Variants in CSRNP3 observed in about 807,000 individuals in gnomAD.
CSRNP3 encodes cysteine and serine rich nuclear protein 3, also known as cysteine/serine-rich nuclear protein 3.
Under a neutral mutation model 48.0 loss-of-function variants are expected in CSRNP3, and 12 were observed. The observed-to-expected ratio is 0.25, with a 90% CI of 0.16 to 0.41. The LOEUF is 0.41. Among genes scored for constraint, CSRNP3 ranks in the 10% least tolerant of loss-of-function variants. The pLI, the probability that CSRNP3 is intolerant of heterozygous loss-of-function variation, is 1.00. For missense variants in CSRNP3, 580 were observed against 724.4 expected (o/e 0.80, Z 2.29); for synonymous variants, 263 against 269.7 (o/e 0.98, Z 0.24).
chr2:165,589,412 G>A (rs141413309), intron 3 of CSRNP3, among the ~76,000 whole-genome samples: 137 of 152,188 alleles, frequency 9.0e-4, no homozygotes, highest in African/African-American at 3.1e-3. Context: ...TTTTTTAAAG[G>A]CAATGAAATT....
intron 2 of CSRNP3, among the ~76,000 whole-genome samples, chr2:165,515,801 C>CTTTTTT (rs532831528): frequency 1.9e-5 from 2 of 106,056 alleles, no homozygotes; most frequent in Non-Finnish European, 1.8e-5. Context: ...CTTTTCCTTT[C>CTTTTTT]TTTTTTTTTT....
chr2:165,498,501 C>G (rs1233178800), intron 2 of CSRNP3, among the ~76,000 whole-genome samples: 1 of 152,128 alleles, frequency 6.6e-6, no homozygotes, highest in Non-Finnish European at 1.5e-5. Flanking sequence ...GTCGCAGCTT[C>G]TGACTAAATG....
chr2:165,512,290 A>G (rs1162381911), intron 2 of CSRNP3, among the ~76,000 whole-genome samples: 1 of 152,122 alleles, frequency 6.6e-6, no homozygotes, highest in East Asian at 1.9e-4. Flanking sequence ...CCAATTTACA[A>G]TTTTCTGGAA....
At chr2:165,567,738 C>T (rs1380516908) in intron 3 of CSRNP3, among the ~76,000 whole-genome samples, 1 of 151,850 alleles carries the variant, frequency 6.6e-6, no homozygotes, top group Non-Finnish European at 1.5e-5. Context: ...TTGTCTTTTC[C>T]ACACTTTTTT....
At chr2:165,484,654 A>G (rs940358670) in intron 1 of CSRNP3, among the ~76,000 whole-genome samples, 1 of 152,198 alleles carries the variant, frequency 6.6e-6, no homozygotes, top group Admixed American at 6.5e-5. Context: ...GACAAACTCA[A>G]TAAAGAATGT....
At chr2:165,529,912 G>A (rs1684789334) in intron 3 of CSRNP3, among the ~76,000 whole-genome samples, 1 of 152,164 alleles carries the variant, frequency 6.6e-6, no homozygotes, top group Non-Finnish European at 1.5e-5. Flanking sequence ...TAAACTTGAT[G>A]TGTATGAGAG....
At chr2:165,654,864 A>G (rs1009828878) in intron 4 of CSRNP3, among the ~76,000 whole-genome samples, 7 of 152,208 alleles carry the variant, frequency 4.6e-5, no homozygotes, top group Non-Finnish European at 8.8e-5. Context: ...TTCTGACCTC[A>G]GGTGATCCGC....
At position 165,686,108 on chromosome 2, in the gene CSRNP3, A is replaced by G. The variant is rs1282551719; in HGVS notation, c.*6355A>G. The G allele has an allele frequency of 6.6e-6, 1 of 152,010 alleles. No individual in the cohort carries two copies. Among genetic ancestry groups the G allele is most frequent in the Non-Finnish European group, 1.5e-5 (1 of 67,986 alleles). The allele number at this position is 152,010 out of a possible 1,614,324, so 9.4% of individuals were successfully genotyped here. On this transcript the variant is annotated 3_prime_UTR_variant, in exon 7 of 7. Transcript: ENST00000651982. Reference sequence around the variant, plus strand: ...TCCTTTCTCTTTTGGTTTTCTCCCAATATTTTTATCTGTCTTGGGATTATC... The same window carrying G: ...TCCTTTCTCTTTTGGTTTTCTCCCAGTATTTTTATCTGTCTTGGGATTATC...
chr2:165,657,907 A>G lies in CSRNP3; in HGVS notation c.295A>G (p.Asn99Asp). The change falls in exon 5 of 7, where the codon AAC becomes GAC. Residue 99 changes from asparagine to aspartate, a missense_variant. Around this residue, in one of 4 missense-constraint regions of CSRNP3, gnomAD observed 83 missense variants for 139.6 expected, o/e 0.59. Coordinates refer to ENST00000651982, the MANE Select transcript of CSRNP3 (RefSeq NM_001172173.2). ...GSTLGMSSRH[N>D]SVRQYTLGEF... ...CACCCTGGGGATGTCCAGCCGCCAT[A>G]ACAGCGTGCGCCAGTACACTCTTGG... 6.2e-7 allele frequency: 1 copy of G among 1,614,134 alleles called. No individual in the cohort carries two copies. The highest frequency in any genetic ancestry group is 8.5e-7 in the Non-Finnish European group (1 of 1,179,994).
At chr2:165,514,051 A>G (rs921095650) in intron 2 of CSRNP3, among the ~76,000 whole-genome samples, 3 of 152,244 alleles carry the variant, frequency 2.0e-5, no homozygotes, top group Non-Finnish European at 4.4e-5. Flanking sequence ...AGTTATATTC[A>G]GACATCTGAC....
At chr2:165,534,870 G>A (rs1684861769) in intron 3 of CSRNP3, among the ~76,000 whole-genome samples, 2 of 151,518 alleles carry the variant, frequency 1.3e-5, no homozygotes. Context: ...ATTATAGTGG[G>A]TTTCTTATAT....
Position 165,477,689 on chromosome 2 carries a change from C to A in CSRNP3, c.-283+7949C>A, listed in dbSNP as rs974753735. ...ATCTCAAAAAAAAAAAAATTGTAGG[C>A]CGGTAGGCCAGGCATGGTGGCTCAC... On this transcript the variant is annotated intron_variant, in intron 1 of 6. Coordinates refer to ENST00000651982, the MANE Select transcript of CSRNP3 (RefSeq NM_001172173.2). Among the ~76,000 whole-genome samples, 3 of 141,178 alleles carry A rather than the reference C, an allele frequency of 2.1e-5. No homozygotes were observed. The Admixed American group carries it at 2.1e-4, about 10-fold the overall frequency. 92.6% of individuals were successfully genotyped at this position (141,178 alleles called of 152,430 possible).
chr2:165,663,639 A>G (rs561445550), intron 5 of CSRNP3, among the ~76,000 whole-genome samples: 1 of 152,364 alleles, frequency 6.6e-6, no homozygotes, highest in South Asian at 2.1e-4. Context: ...TTTCTCTGCA[A>G]CAACCATTGG....
chr2:165,503,897 G>A (rs978435211), intron 2 of CSRNP3, among the ~76,000 whole-genome samples: 1 of 151,820 alleles, frequency 6.6e-6, no homozygotes, highest in African/African-American at 2.4e-5. Context: ...GATATACTTT[G>A]TCCTAAGTTA....
intron 3 of CSRNP3, among the ~76,000 whole-genome samples, chr2:165,559,245 T>C (rs1685200198): frequency 6.6e-6 from 1 of 152,214 alleles, no homozygotes; most frequent in South Asian, 2.1e-4. Context: ...TAAATCTCTC[T>C]GGTACTAGAA....
At chr2:165,671,966 T>C (rs1233943375) in intron 5 of CSRNP3, among the ~76,000 whole-genome samples, 1 of 152,166 alleles carries the variant, frequency 6.6e-6, no homozygotes, top group Non-Finnish European at 1.5e-5. Flanking sequence ...TTGCTCCAGT[T>C]GCCAACAGGT....
intron 3 of CSRNP3, among the ~76,000 whole-genome samples, chr2:165,518,713 T>G (rs1456230791): frequency 6.6e-6 from 1 of 151,940 alleles, no homozygotes; most frequent in East Asian, 1.9e-4. Flanking sequence ...TTCATAATTT[T>G]AAATGAAAAA....
intron 1 of CSRNP3, among the ~76,000 whole-genome samples, chr2:165,487,519 GA>G (rs1257521230): frequency 6.8e-6 from 1 of 147,350 alleles, no homozygotes; most frequent in Non-Finnish European, 1.5e-5. Context: ...TGAAATGAAG[GA>G]AAAAATGTTA....
intron 5 of CSRNP3, among the ~76,000 whole-genome samples, chr2:165,667,033 A>AGGAAG (rs1195459939): frequency 2.3e-4 from 7 of 30,654 alleles, no homozygotes; most frequent in Admixed American, 2.2e-3. Context: ...AGAGAGAGGA[A>AGGAAG]GAAAGAAAGA....
Sources: allele counts gnomAD v4.1 joint callset (sites outside exome capture counted in the v4.1 genomes callset), GRCh38; gene constraint gnomAD v4.1.1; regional missense constraint gnomAD v4.1.1; transcripts MANE v1.5; gene names NCBI Gene and HGNC (gene_info 2026-07-23, HGNC 2026-07-21).